Variants in SLC1A3 observed in about 807,000 individuals in gnomAD.
SLC1A3 encodes solute carrier family 1 member 3.
Under a neutral mutation model 48.1 loss-of-function variants are expected in SLC1A3, and 21 were observed. The ratio of observed to expected loss-of-function variants is 0.44; its 90% CI spans 0.31 to 0.63. The LOEUF (loss-of-function observed/expected upper bound fraction) is 0.63. Among genes scored for constraint, SLC1A3 ranks in the 20% least tolerant of loss-of-function variants. SLC1A3 has a pLI of 0.08. For missense variants in SLC1A3, 546 were observed against 689.0 expected, an observed-to-expected ratio of 0.79 and a Z score of 2.32; for synonymous variants, 239 against 251.4, an observed-to-expected ratio of 0.95 and a Z score of 0.47.
At chr5:36,613,017 G>C (rs1264591133) in intron 2 of SLC1A3, 2 of 354,384 alleles carry the variant, frequency 5.6e-6, no homozygotes, top group African/African-American at 4.3e-5. Flanking sequence ...CCGCTTTCTG[G>C]TTTAGGTGGC....
At chr5:36,636,772 C>T (rs918162463) in intron 3 of SLC1A3, among the ~76,000 whole-genome samples, 3 of 151,922 alleles carry the variant, frequency 2.0e-5, no homozygotes, top group Non-Finnish European at 4.4e-5. Context: ...AGGCTTTCAA[C>T]GACAGAAACC....
At chr5:36,606,460 C>T (rs569934558), upstream of SLC1A3, 2 of 152,384 alleles carry the variant, frequency 1.3e-5, no homozygotes, top group South Asian at 4.1e-4. Context: ...AGCAAGCCTG[C>T]TTCTGGTGTG....
At chr5:36,679,575 A>G (rs1742349282) in intron 6 of SLC1A3, 52 bp from the exon 7 acceptor site, 1 of 1,288,374 alleles carries the variant, frequency 7.8e-7, no homozygotes. Context: ...ATTTCTGTGG[A>G]CTAGCTTGGT....
chr5:36,606,299 C>T (rs891920375), upstream of SLC1A3: 2 of 152,216 alleles, frequency 1.3e-5, no homozygotes, highest in Admixed American at 6.5e-5. Context: ...TAAATTTAGC[C>T]TTAGAAAAGT....
At chr5:36,650,696 T>A (rs1362906629) in intron 3 of SLC1A3, among the ~76,000 whole-genome samples, 1 of 152,242 alleles carries the variant, frequency 6.6e-6, no homozygotes, top group Non-Finnish European at 1.5e-5. Context: ...GAGAGATAGA[T>A]ATAAGCATTA....
intron 2 of SLC1A3, among the ~76,000 whole-genome samples, chr5:36,614,667 C>T (rs1379921944): frequency 6.6e-6 from 1 of 152,140 alleles, no homozygotes; most frequent in African/African-American, 2.4e-5. Flanking sequence ...TTGTAATACA[C>T]TCAATAGTGA....
At chr5:36,651,433 C>T (rs186250202) in intron 3 of SLC1A3, among the ~76,000 whole-genome samples, 57 of 152,256 alleles carry the variant, frequency 3.7e-4, no homozygotes, top group African/African-American at 1.3e-3. Context: ...CTTCCTAAAA[C>T]TCAACTCTGG....
chr5:36,628,195 G>C (rs1739988601), intron 2 of SLC1A3, among the ~76,000 whole-genome samples: 2 of 152,156 alleles, frequency 1.3e-5, no homozygotes, highest in Admixed American at 1.3e-4. Flanking sequence ...TAGCCACGTA[G>C]ATTAAGATTC....
chr5:36,632,700 G>A (rs909794196), intron 3 of SLC1A3, among the ~76,000 whole-genome samples: 14 of 152,190 alleles, frequency 9.2e-5, no homozygotes, highest in Non-Finnish European at 2.9e-5. Flanking sequence ...AACTATTATT[G>A]TGTTTCTTGG....
intron 4 of SLC1A3, among the ~76,000 whole-genome samples, chr5:36,672,314 T>C (rs1742029969): frequency 6.6e-6 from 1 of 152,152 alleles, no homozygotes; most frequent in South Asian, 2.1e-4. Context: ...CCATGTGTTG[T>C]GGTCCATAGA....
At chr5:36,625,216 G>A (rs927697331) in intron 2 of SLC1A3, among the ~76,000 whole-genome samples, 3 of 152,204 alleles carry the variant, frequency 2.0e-5, no homozygotes, top group Non-Finnish European at 2.9e-5. Context: ...CTAGCACTTC[G>A]GGAAGCCGAG....
chr5:36,644,622 T>C (rs763120560), intron 3 of SLC1A3, among the ~76,000 whole-genome samples: 3 of 152,192 alleles, frequency 2.0e-5, no homozygotes, highest in Non-Finnish European at 2.9e-5. Flanking sequence ...AAGGCAGATA[T>C]AAATATTTTA....
chr5:36,659,217 G>T (rs72732549), intron 3 of SLC1A3, among the ~76,000 whole-genome samples: 30,044 of 152,120 alleles, frequency 0.2, 3,826 homozygotes, highest in Non-Finnish European at 0.29. Context: ...TATTAGCTGT[G>T]TGATCCTGAG....
At chr5:36,633,514 C>A (rs144393065) in intron 3 of SLC1A3, among the ~76,000 whole-genome samples, 1 of 152,122 alleles carries the variant, frequency 6.6e-6, no homozygotes, top group Non-Finnish European at 1.5e-5. Flanking sequence ...CTGTTTATTG[C>A]GCTTCTACTA....
intron 3 of SLC1A3, among the ~76,000 whole-genome samples, chr5:36,649,651 T>G (rs1740981381): frequency 6.6e-6 from 1 of 152,352 alleles, no homozygotes; most frequent in South Asian, 2.1e-4. Context: ...TACAGTTCAC[T>G]TTGAGAAAAT....
At chr5:36,599,891 G>A (rs1340079574) in intron 1 of SLC1A3, among the ~76,000 whole-genome samples, 1 of 151,992 alleles carries the variant, frequency 6.6e-6, no homozygotes, top group Non-Finnish European at 1.5e-5. Context: ...GCGCTATCTA[G>A]GCTCACCGCA....
chr5:36,680,024 A>C (rs1286620346), intron 7 of SLC1A3, among the ~76,000 whole-genome samples, 164 bp downstream of exon 7: 1 of 152,182 alleles, frequency 6.6e-6, no homozygotes, highest in African/African-American at 2.4e-5. Flanking sequence ...GGATTCAGGA[A>C]ATGCCTGGCT....
intron 3 of SLC1A3, among the ~76,000 whole-genome samples, chr5:36,634,742 G>A (rs1444372439): frequency 1.3e-5 from 2 of 152,150 alleles, no homozygotes; most frequent in East Asian, 1.9e-4. Flanking sequence ...CATATTATTT[G>A]GGCAGCTTCT....
Position 36,686,806 on chromosome 5 carries a change from G to A in SLC1A3, c.*537G>A, listed in dbSNP as rs981136240. ...CATATACATCTAGCACAGCTGTGAGGACAGACAGAAGGCAAAGTTTCCATG... is the reference window on the plus strand; with the variant it reads ...CATATACATCTAGCACAGCTGTGAGAACAGACAGAAGGCAAAGTTTCCATG... On this transcript the variant is annotated 3_prime_UTR_variant, in exon 10 of 10. Transcript: ENST00000265113. 2 of 173,202 alleles carry A rather than the reference G, an allele frequency of 1.2e-5. No individual in the cohort carries two copies. Among genetic ancestry groups the A allele is most frequent in the Admixed American group, 1.2e-4 (2 of 17,348 alleles). 10.7% of individuals were successfully genotyped at this position (173,202 alleles called of 1,614,324 possible). A position where few individuals can be genotyped will look rare whatever the true frequency, so the allele number is the denominator to read the frequency against.
Sources: allele counts gnomAD v4.1 joint callset (sites outside exome capture counted in the v4.1 genomes callset), GRCh38; gene constraint gnomAD v4.1.1; transcripts MANE v1.5; gene names NCBI Gene and HGNC (gene_info 2026-07-23, HGNC 2026-07-21).